The following LAMC3 variants were observed in gnomAD, a reference collection of about 807,000 sequenced individuals.
The protein encoded by LAMC3 is laminin subunit gamma-3.
Under a neutral mutation model 173.8 loss-of-function variants are expected in LAMC3, and 128 were observed. That is an observed-to-expected ratio of 0.74 (90% confidence interval 0.64 to 0.85). LAMC3 has a LOEUF of 0.85. LAMC3 is among the 40% of genes least tolerant of loss of function. LAMC3 has a pLI of 0.00. For missense variants in LAMC3, 2,022 were observed against 2,156.0 expected (o/e 0.94, Z 1.23); for synonymous variants, 897 against 909.1 (o/e 0.99, Z 0.24).
In LAMC3 at chr9:131,029,766, A is replaced by G. The variant is rs1564367012; in HGVS notation, c.679-2279A>G. On this transcript the variant is annotated intron_variant, in intron 2 of 27. Coordinates refer to ENST00000361069, the MANE Select transcript of LAMC3 (RefSeq NM_006059.4). This position sits in a 1 kb window ranked among gnomAD's most constrained non-coding sequence, Gnocchi z 4.6. ...CTGGCTGTTGCAGAGTAAGACCGCC[A>G]GAGTTGAGGGGCCGCCTGAGCACCC... Among the ~76,000 whole-genome samples, 1 of 152,120 alleles carries G rather than the reference A, an allele frequency of 6.6e-6. No homozygotes were observed.
chr9:131,081,828 T>G (rs754533177), intron 23 of LAMC3, among the ~76,000 whole-genome samples: 1 of 152,184 alleles, frequency 6.6e-6, no homozygotes, highest in Non-Finnish European at 1.5e-5. Context: ...TTAATTCTAG[T>G]GTTTTAGTTT....
intron 8 of LAMC3, among the ~76,000 whole-genome samples, chr9:131,048,752 A>C (rs1834224561): frequency 2.0e-5 from 3 of 152,136 alleles, no homozygotes; most frequent in Non-Finnish European, 4.4e-5. Flanking sequence ...AGATGAGGTC[A>C]AGTCTGGTAC....
At chr9:131,090,041 C>T (rs1830396964) in intron 27 of LAMC3, among the ~76,000 whole-genome samples, 1 of 152,066 alleles carries the variant, frequency 6.6e-6, no homozygotes, top group African/African-American at 2.4e-5. Context: ...AAGGGATGCT[C>T]CCACCTCAGG....
intron 25 of LAMC3, among the ~76,000 whole-genome samples, 193 bp from the exon 26 acceptor site, chr9:131,087,283 G>A (rs747108383): frequency 3.3e-5 from 5 of 152,226 alleles, no homozygotes; most frequent in Middle Eastern, 3.2e-3. Context: ...CTCCTGAAAC[G>A]GGTGGTATCC....
rs757713157 is a variant in LAMC3 at position 131,071,604 on chromosome 9, C to T, written c.3190C>T (p.Gln1064Ter). The T allele has an allele frequency of 8.1e-6, 13 of 1,596,242 alleles. No individual in the cohort carries two copies. In the South Asian group the frequency reaches 1.4e-4, roughly 17 times the overall value. ...LGEAPRGDVY[Q>*]GHHLLPGARE... is the part of the protein sequence containing the mutation. ...AGAGGCCCCAAGGGGGGACGTCTAC[C>T]AGGGCCATCACCTGCTTCCAGGTAC... The change falls in exon 18 of 28, where the codon CAG becomes TAG. Residue 1064 changes from glutamine to a stop codon, truncating the protein, a stop_gained. Coordinates refer to ENST00000361069, the MANE Select transcript of LAMC3 (RefSeq NM_006059.4). LOFTEE classifies it high-confidence loss of function.
chr9:131,082,152 G>T lies in LAMC3; in HGVS notation c.4021G>T (p.Asp1341Tyr). 1 of 1,611,454 alleles carries T rather than the reference G, an allele frequency of 6.2e-7. No homozygotes were observed. The highest frequency in any genetic ancestry group is 1.1e-5 in the South Asian group (1 of 90,874). The change falls in exon 24 of 28, where the codon GAT becomes TAT. Residue 1341 changes from aspartate to tyrosine, a missense_variant. By Grantham distance (160) the Asp-to-Tyr change is radical. Transcript: ENST00000361069. Reference sequence around the variant, plus strand: ...CATGGGAGCCAGGACTCTGCTGGCTGATCTGGAAGGTACGTGAGTCCAGCT... The same window carrying T: ...CATGGGAGCCAGGACTCTGCTGGCTTATCTGGAAGGTACGTGAGTCCAGCT... ...TVMGARTLLADLEGMKLQFPR... is the reference protein window; with the variant it reads ...TVMGARTLLAYLEGMKLQFPR...
chr9:131,082,868 G>T (rs1239519685), intron 24 of LAMC3, among the ~76,000 whole-genome samples: 1 of 152,136 alleles, frequency 6.6e-6, no homozygotes, highest in African/African-American at 2.4e-5. Context: ...TTGTTCTGTG[G>T]CCTCCCTCCC....
chr9:131,038,819 C>G (rs561235924), intron 4 of LAMC3, 45 bp from the exon 5 acceptor site: 3 of 1,590,446 alleles, frequency 1.9e-6, no homozygotes, highest in Non-Finnish European at 2.6e-6. Context: ...AGCCTCCTAC[C>G]ACATCACAGG....
rs1834306608 is a variant in LAMC3 at position 131,052,420 on chromosome 9, A to C, written c.1631-71A>C. 7.4e-6 allele frequency: 10 copies of C among 1,356,392 alleles called. No individual in the cohort carries two copies. In the East Asian group the frequency reaches 2.3e-4, roughly 31 times the overall value. The allele number at this position is 1,356,392 out of a possible 1,614,324, so 84.0% of individuals were successfully genotyped here. A position where few individuals can be genotyped will look rare whatever the true frequency, so the allele number is the denominator to read the frequency against. On this transcript the variant is annotated intron_variant, in intron 9 of 27. Transcript: ENST00000361069. ...TTTTTTGAATGTTTAGTTGCCGATA[A>C]AATCAACATAGACATTTAAAATCAA... is the stretch of plus-strand genomic sequence containing the variant.
At chr9:131,057,376 T>C (rs1301985338) in intron 12 of LAMC3, among the ~76,000 whole-genome samples, 1 of 152,258 alleles carries the variant, frequency 6.6e-6, no homozygotes, top group Non-Finnish European at 1.5e-5. Context: ...CCAAGGACTT[T>C]GTATGTATCA....
Position 131,072,828 on chromosome 9 carries a change from C to T in LAMC3, c.3410C>T (p.Ala1137Val), listed in dbSNP as rs773899562. 27 of 1,610,418 alleles carry T rather than the reference C, an allele frequency of 1.7e-5. No individual in the cohort carries two copies. Among genetic ancestry groups the T allele is most frequent in the East Asian group, 1.6e-4 (7 of 44,836 alleles). The part of the protein sequence containing the change: ...EEILHAAAIL[A>V]SLEIPQEGPS... ...ATTCTGCATGCAGCTGCCATTCTCG[C>T]GTCTCTGGTATCCCAGGGGACCCCC... Residue 1137 changes from alanine to valine, a missense_variant, in exon 19 of 28, where the codon GCG becomes GTG. Transcript: ENST00000361069.
intron 4 of LAMC3, among the ~76,000 whole-genome samples, chr9:131,037,936 C>G (rs1833974304): frequency 6.6e-6 from 1 of 152,268 alleles, no homozygotes; most frequent in South Asian, 2.1e-4. Context: ...GACTTCACAA[C>G]TGCCCCTGCA....
chr9:131,019,058 T>C (rs1833581580), intron 1 of LAMC3, among the ~76,000 whole-genome samples: 1 of 151,732 alleles, frequency 6.6e-6, no homozygotes. Context: ...AGGTCAGGAG[T>C]TTGAGACTAG....
intron 1 of LAMC3, among the ~76,000 whole-genome samples, chr9:131,011,944 G>C (rs918036733): frequency 6.6e-5 from 10 of 152,196 alleles, no homozygotes; most frequent in East Asian, 1.9e-4. Flanking sequence ...GTGCTGAGCT[G>C]TGCACCCTCG....
intron 11 of LAMC3, among the ~76,000 whole-genome samples, chr9:131,055,000 G>A (rs1834374454): frequency 6.6e-6 from 1 of 152,130 alleles, no homozygotes; most frequent in Admixed American, 6.6e-5. Flanking sequence ...CTGTGGTATG[G>A]GTGCTCTGTG....
Position 131,041,675 on chromosome 9 carries a change from G to C in LAMC3, c.1322G>C (p.Cys441Ser). ...TCNPAGSLDT[C>S]DPRSGRCPCK... is the part of the protein sequence containing the mutation. Reference sequence around the variant, plus strand: ...AATCCCGCTGGCAGCCTGGACACCTGTGACCCCCGCAGTGGGCGCTGCCCC... The same window carrying C: ...AATCCCGCTGGCAGCCTGGACACCTCTGACCCCCGCAGTGGGCGCTGCCCC... Residue 441 changes from cysteine (C) to serine (S), a missense_variant, in exon 7 of 28, where the codon TGT becomes TCT. Cys to Ser is a moderately radical substitution (Grantham distance 112, BLOSUM62 -1). Coordinates refer to ENST00000361069, the MANE Select transcript of LAMC3 (RefSeq NM_006059.4). The C allele has an allele frequency of 6.2e-7, 1 of 1,614,150 alleles. No individual in the cohort carries two copies. Among genetic ancestry groups the C allele is most frequent in the East Asian group, 2.2e-5 (1 of 44,876 alleles).
intron 1 of LAMC3, among the ~76,000 whole-genome samples, chr9:131,010,860 TG>T (rs1192958010): frequency 6.6e-6 from 1 of 152,144 alleles, no homozygotes; most frequent in Non-Finnish European, 1.5e-5. Flanking sequence ...TGCAGGGAGC[TG>T]GAATGCTCTC....
At position 131,077,301 on chromosome 9, in the gene LAMC3, G is replaced by A. The variant is rs1346495546; in HGVS notation, c.3744G>A (p.Pro1248=). ...TVQQVGADTA[P]YLALLASPGA... is the part of the protein sequence containing the mutation. ...AGCAAGTTGGCGCAGATACAGCCCC[G>A]TACCTGGCCTTGCTGGCTTCCCCGG... is the stretch of plus-strand genomic sequence containing the variant. The change falls in exon 22 of 28, where the codon CCG becomes CCA. Residue 1248 remains proline (P), a synonymous_variant. Coordinates refer to ENST00000361069, the MANE Select transcript of LAMC3 (RefSeq NM_006059.4). 6.8e-6 allele frequency: 11 copies of A among 1,613,948 alleles called. No homozygotes were observed. Among genetic ancestry groups the A allele is most frequent in the South Asian group, 2.2e-5 (2 of 91,084 alleles).
At chr9:131,032,814 A>G (rs1337415197) in intron 3 of LAMC3, among the ~76,000 whole-genome samples, 1 of 152,158 alleles carries the variant, frequency 6.6e-6, no homozygotes, top group Non-Finnish European at 1.5e-5. Context: ...GATTACAGGC[A>G]TGCGCCACCA....
Sources: allele counts gnomAD v4.1 joint callset (sites outside exome capture counted in the v4.1 genomes callset), GRCh38; gene constraint gnomAD v4.1.1; non-coding constraint Gnocchi (gnomAD v3.1); transcripts MANE v1.5; gene names NCBI Gene and HGNC (gene_info 2026-07-23, HGNC 2026-07-21).